ZFHX3: variants seen among roughly 807,000 people sequenced by gnomAD.
ZFHX3 encodes zinc finger homeobox protein 3.
ZFHX3 carries 42 observed loss-of-function variants against 279.1 expected under a neutral mutation model. That is an observed-to-expected ratio of 0.15 (90% confidence interval 0.12 to 0.19). The LOEUF (loss-of-function observed/expected upper bound fraction) is 0.19, where lower values mean the gene tolerates loss of function less well. Among genes scored for constraint, ZFHX3 ranks in the 10% least tolerant of loss-of-function variants. ZFHX3 has a pLI of 1.00. For missense variants in ZFHX3, 4,981 were observed against 4,754.0 expected, an observed-to-expected ratio of 1.05 and a Z score of -1.40; for synonymous variants, 2,293 against 1,957.8, an observed-to-expected ratio of 1.17 and a Z score of -4.52.
chr16:72,944,325 CT>C (rs1460264929), intron 3 of ZFHX3, among the ~76,000 whole-genome samples: 1 of 152,082 alleles, frequency 6.6e-6, no homozygotes, highest in African/African-American at 2.4e-5. Flanking sequence ...CAGCATGTGT[CT>C]ATAAAGATTT....
At chr16:73,395,080 G>A (rs1401423549) in intron 3 of ZFHX3, among the ~76,000 whole-genome samples, 1 of 152,192 alleles carries the variant, frequency 6.6e-6, no homozygotes, top group African/African-American at 2.4e-5. Context: ...CCTGGGGCTA[G>A]GAGTGCATCT....
At chr16:73,346,800 G>A (rs1160900622) in intron 3 of ZFHX3, among the ~76,000 whole-genome samples, 1 of 152,084 alleles carries the variant, frequency 6.6e-6, no homozygotes, top group African/African-American at 2.4e-5. Flanking sequence ...CTGAGAATGG[G>A]GACCACAGAC....
At chr16:73,191,630 A>G (rs1002802536) in intron 5 of ZFHX3, among the ~76,000 whole-genome samples, 3 of 151,976 alleles carry the variant, frequency 2.0e-5, no homozygotes, top group Non-Finnish European at 2.9e-5. Context: ...TTCCCCCCAG[A>G]TTCTCACCTT....
At chr16:72,837,622 C>T (rs751969885) in intron 4 of ZFHX3, among the ~76,000 whole-genome samples, 2 of 151,834 alleles carry the variant, frequency 1.3e-5, no homozygotes, top group African/African-American at 4.8e-5. Flanking sequence ...CATGCCACCA[C>T]GCCTAGATAA....
chr16:73,247,390 T>C (rs111209780), intron 5 of ZFHX3, among the ~76,000 whole-genome samples: 2,659 of 152,148 alleles, frequency 0.017, 70 homozygotes, highest in African/African-American at 0.054. Context: ...AGTATACGCG[T>C]GTGTGTATAC....
At chr16:73,865,327 T>C (rs1961984332) in intron 1 of ZFHX3, among the ~76,000 whole-genome samples, 1 of 152,144 alleles carries the variant, frequency 6.6e-6, no homozygotes, top group African/African-American at 2.4e-5. Flanking sequence ...AAATAGGCCA[T>C]GCAGAGATGT....
intron 3 of ZFHX3, among the ~76,000 whole-genome samples, chr16:72,897,856 G>C (rs2038935937): frequency 6.8e-6 from 1 of 147,790 alleles, no homozygotes; most frequent in East Asian, 2.0e-4. Flanking sequence ...AGGTCACACA[G>C]AGCATGGAGG....
At chr16:73,796,736 G>A (rs937973522) in intron 1 of ZFHX3, among the ~76,000 whole-genome samples, 3 of 152,148 alleles carry the variant, frequency 2.0e-5, no homozygotes, top group East Asian at 3.9e-4. Flanking sequence ...TGCATGCTTC[G>A]GGGAGAGAGT....
intron 1 of ZFHX3, among the ~76,000 whole-genome samples, chr16:73,020,043 T>C (rs1276792486): frequency 6.6e-6 from 1 of 152,112 alleles, no homozygotes; most frequent in Admixed American, 6.5e-5. Flanking sequence ...AAATCCACTG[T>C]ACCCTGCAAC....
intron 5 of ZFHX3, among the ~76,000 whole-genome samples, chr16:73,179,846 C>A (rs1597206320): frequency 6.6e-6 from 1 of 152,220 alleles, no homozygotes. Flanking sequence ...GAGCATTTTG[C>A]CCTTCAGAAG....
At chr16:73,446,755 G>A (rs2018193120) in intron 3 of ZFHX3, among the ~76,000 whole-genome samples, 1 of 152,114 alleles carries the variant, frequency 6.6e-6, no homozygotes, top group African/African-American at 2.4e-5. Flanking sequence ...TGAAAGGAGG[G>A]AGAGAATCAG....
At chr16:73,725,149 T>C (rs1303130124) in intron 1 of ZFHX3, among the ~76,000 whole-genome samples, 16 of 152,240 alleles carry the variant, frequency 1.1e-4, no homozygotes, top group Admixed American at 1.0e-3. Context: ...ATCTGGTCAA[T>C]CAAATTTACA....
chr16:72,983,239 A>C (rs963206046), intron 1 of ZFHX3, among the ~76,000 whole-genome samples: 2 of 152,178 alleles, frequency 1.3e-5, no homozygotes, highest in Non-Finnish European at 2.9e-5. Flanking sequence ...GACTAAGCTG[A>C]GTGACATTTT....
At chr16:72,992,200 C>T (rs377042199) in intron 1 of ZFHX3, among the ~76,000 whole-genome samples, 18 of 152,280 alleles carry the variant, frequency 1.2e-4, no homozygotes, top group African/African-American at 4.1e-4. Flanking sequence ...AAAATGAAAG[C>T]GTTTCTCCGC....
At chr16:72,991,731 C>T (rs999022461) in intron 1 of ZFHX3, among the ~76,000 whole-genome samples, 1 of 152,228 alleles carries the variant, frequency 6.6e-6, no homozygotes, top group East Asian at 1.9e-4. Context: ...CATGGTCACA[C>T]ACAAGTACTC....
At chr16:73,240,261 C>A (rs921684626) in intron 5 of ZFHX3, among the ~76,000 whole-genome samples, 1 of 151,804 alleles carries the variant, frequency 6.6e-6, no homozygotes, top group Non-Finnish European at 1.5e-5. Flanking sequence ...CTCTGTCACC[C>A]AGGCTGGAGT....
chr16:73,014,808 G>A (rs376531779), intron 1 of ZFHX3, among the ~76,000 whole-genome samples: 20 of 151,894 alleles, frequency 1.3e-4, no homozygotes, highest in African/African-American at 4.3e-4. Flanking sequence ...CACCATGTCC[G>A]GCCTATGTGG....
chr16:73,002,205 G>A (rs1963523341), intron 1 of ZFHX3, among the ~76,000 whole-genome samples: 1 of 152,150 alleles, frequency 6.6e-6, no homozygotes, highest in Admixed American at 6.5e-5. Context: ...ACTCTTTAGG[G>A]ATTCCAGGAA....
chr16:72,924,297 G>C (rs1319528121), intron 3 of ZFHX3, among the ~76,000 whole-genome samples: 1 of 152,174 alleles, frequency 6.6e-6, no homozygotes, highest in Non-Finnish European at 1.5e-5. Context: ...CAGCTCTGGG[G>C]CAACACCGCA....
Sources: gnomAD v4.1 joint callset for allele counts (sites outside exome capture counted in the v4.1 genomes callset) on GRCh38, gnomAD v4.1.1 for gene constraint, MANE v1.5 for transcripts, NCBI Gene and HGNC (gene_info 2026-07-23, HGNC 2026-07-21) for gene names.